The following GALNTL6 variants were observed in gnomAD, a reference collection of about 807,000 sequenced individuals.
The protein encoded by GALNTL6 is polypeptide N-acetylgalactosaminyltransferase like 6.
Under a neutral mutation model 73.7 loss-of-function variants are expected in GALNTL6, and 46 were observed. That is an observed-to-expected ratio of 0.62 (90% CI 0.49 to 0.80). GALNTL6 has a LOEUF of 0.80. GALNTL6 is among the 30% of genes least tolerant of loss of function. The probability of loss-of-function intolerance (pLI) is 0.00; values close to 1 mark genes in which losing one functional copy is unlikely to be tolerated. For missense variants in GALNTL6, 604 were observed against 755.0 expected, an observed-to-expected ratio of 0.80 and a Z score of 2.34; for synonymous variants, 259 against 263.7, an observed-to-expected ratio of 0.98 and a Z score of 0.17.
At chr4:172,998,881 T>A (rs1167727133) in intron 10 of GALNTL6, among the ~76,000 whole-genome samples, 3 of 152,006 alleles carry the variant, frequency 2.0e-5, no homozygotes, top group Non-Finnish European at 4.4e-5. Flanking sequence ...TTGAGTGAGA[T>A]CATGTACTTC....
In GALNTL6 at chr4:172,582,685, A is replaced by G. The variant is rs573660671; in HGVS notation, c.554-226676A>G. Among the ~76,000 whole-genome samples the G allele has an allele frequency of 4.6e-5, 7 of 152,118 alleles. No individual in the cohort carries two copies. In the East Asian group the frequency reaches 1.4e-3, roughly 29 times the overall value. On this transcript the variant is annotated intron_variant, in intron 5 of 12. Transcript: ENST00000506823. Reference sequence around the variant, plus strand: ...CAGATGGTGAAGATAAAAAGGCATCACTAAATTTTGCAAAACACTCTCAGA... The same window carrying G: ...CAGATGGTGAAGATAAAAAGGCATCGCTAAATTTTGCAAAACACTCTCAGA...
At chr4:171,963,963 T>A (rs1297053498) in intron 2 of GALNTL6, among the ~76,000 whole-genome samples, 1 of 152,172 alleles carries the variant, frequency 6.6e-6, no homozygotes, top group Non-Finnish European at 1.5e-5. Context: ...ATAATAAAGA[T>A]AATGTCTTCC....
At chr4:172,487,343 T>C (rs186320634) in intron 5 of GALNTL6, among the ~76,000 whole-genome samples, 13,931 of 132,560 alleles carry the variant, frequency 0.11, 844 homozygotes, top group Non-Finnish European at 0.15. Flanking sequence ...TCTTTCTTTC[T>C]TTCTTTCTTT....
chr4:172,066,974 C>T (rs1566946), intron 2 of GALNTL6, among the ~76,000 whole-genome samples: 1 of 151,748 alleles, frequency 6.6e-6, no homozygotes, highest in African/African-American at 2.4e-5. Flanking sequence ...TATCCATGAA[C>T]GTGTGGATAC....
intron 2 of GALNTL6, among the ~76,000 whole-genome samples, chr4:172,151,614 G>C (rs991454858): frequency 3.9e-5 from 6 of 152,138 alleles, no homozygotes; most frequent in African/African-American, 1.4e-4. Context: ...AGCAGATAGG[G>C]ACTTGAAACA....
At chr4:172,562,447 C>T (rs2110928909) in intron 5 of GALNTL6, among the ~76,000 whole-genome samples, 1 of 152,328 alleles carries the variant, frequency 6.6e-6, no homozygotes, top group East Asian at 1.9e-4. Flanking sequence ...CACCAGGCCG[C>T]CTTTCTGTAT....
At chr4:172,971,484 T>C (rs1750580622) in intron 10 of GALNTL6, among the ~76,000 whole-genome samples, 1 of 152,180 alleles carries the variant, frequency 6.6e-6, no homozygotes, top group South Asian at 2.1e-4. Flanking sequence ...ATACAAATTA[T>C]ATATAATCTG....
At chr4:172,706,228 C>G (rs1437198636) in intron 5 of GALNTL6, among the ~76,000 whole-genome samples, 1 of 151,900 alleles carries the variant, frequency 6.6e-6, no homozygotes, top group Non-Finnish European at 1.5e-5. Context: ...CTGCTTGATT[C>G]AGTCTGCTGT....
chr4:172,289,500 C>T (rs1275289853), intron 3 of GALNTL6, among the ~76,000 whole-genome samples: 1 of 152,152 alleles, frequency 6.6e-6, no homozygotes, highest in Non-Finnish European at 1.5e-5. Context: ...TCTCATATTA[C>T]ATTTATTTTC....
rs565592749 is a variant in GALNTL6, at chr4:172,069,454, T to C, written c.139-160202T>C. Among the ~76,000 whole-genome samples the C allele has an allele frequency of 1.2e-3, 95 of 78,232 alleles. 27 individuals carry two copies. Among genetic ancestry groups the C allele is most frequent in the African/African-American group, 4.1e-3 (93 of 22,436 alleles). 51.3% of individuals were successfully genotyped at this position (78,232 alleles called of 152,430 possible). A position where few individuals can be genotyped will look rare whatever the true frequency, so the allele number is the denominator to read the frequency against. On this transcript the variant is annotated intron_variant, in intron 2 of 12. Coordinates refer to ENST00000506823, the MANE Select transcript of GALNTL6 (RefSeq NM_001034845.3). The stretch of plus-strand genomic sequence containing the variant: ...ACATATAACATATATATGTAATATA[T>C]AACACACATATAACATATATGTTAT...
At chr4:171,881,409 G>A (rs975676850) in intron 2 of GALNTL6, among the ~76,000 whole-genome samples, 9 of 152,254 alleles carry the variant, frequency 5.9e-5, no homozygotes, top group Admixed American at 5.2e-4. Flanking sequence ...AGTGGGAGGT[G>A]ATTGGATCAT....
chr4:171,953,520 C>G (rs569282270), intron 2 of GALNTL6, among the ~76,000 whole-genome samples: 1 of 152,098 alleles, frequency 6.6e-6, no homozygotes, highest in Non-Finnish European at 1.5e-5. Flanking sequence ...TTTTAATTAT[C>G]AATATGGAAG....
chr4:172,692,793 T>C (rs116425753), intron 5 of GALNTL6, among the ~76,000 whole-genome samples: 1 of 152,266 alleles, frequency 6.6e-6, no homozygotes, highest in African/African-American at 2.4e-5. Flanking sequence ...AAGTTAGGAT[T>C]GTCTATAACA....
At chr4:172,804,070 C>A (rs1315611972) in intron 5 of GALNTL6, among the ~76,000 whole-genome samples, 2 of 152,134 alleles carry the variant, frequency 1.3e-5, no homozygotes, top group East Asian at 1.9e-4. Context: ...TATAGGCCTG[C>A]TAAGTAGAAA....
intron 5 of GALNTL6, among the ~76,000 whole-genome samples, chr4:172,742,853 C>T (rs1560920681): frequency 6.6e-6 from 1 of 152,026 alleles, no homozygotes; most frequent in Non-Finnish European, 1.5e-5. Flanking sequence ...TTATGCAGAG[C>T]TATCAGCAGA....
chr4:172,057,299 A>G (rs926994121), intron 2 of GALNTL6, among the ~76,000 whole-genome samples: 3 of 151,980 alleles, frequency 2.0e-5, no homozygotes, highest in African/African-American at 7.2e-5. Context: ...ATATACTCCC[A>G]GCTACTCGAG....
chr4:172,329,918 A>G (rs1283791948), intron 4 of GALNTL6, among the ~76,000 whole-genome samples: 4 of 152,124 alleles, frequency 2.6e-5, no homozygotes, highest in Non-Finnish European at 5.9e-5. Context: ...ACTTTTCCAC[A>G]GGGCAGCTAC....
intron 2 of GALNTL6, among the ~76,000 whole-genome samples, chr4:172,067,414 G>A (rs1731398808): frequency 6.6e-6 from 1 of 151,906 alleles, no homozygotes; most frequent in Non-Finnish European, 1.5e-5. Flanking sequence ...CTTTCAGAGA[G>A]TCATTGCAAA....
chr4:172,654,891 A>G (rs1730898054), intron 5 of GALNTL6, among the ~76,000 whole-genome samples: 1 of 152,250 alleles, frequency 6.6e-6, no homozygotes, highest in Non-Finnish European at 1.5e-5. Context: ...TGTAGTATTA[A>G]CCATTTAATC....
Sources: gnomAD v4.1 joint callset for allele counts (sites outside exome capture counted in the v4.1 genomes callset) on GRCh38, gnomAD v4.1.1 for gene constraint, MANE v1.5 for transcripts, NCBI Gene and HGNC (gene_info 2026-07-23, HGNC 2026-07-21) for gene names.